Variants in PRUNE2 observed in about 807,000 individuals in gnomAD.
PRUNE2 encodes the protein protein prune homolog 2.
PRUNE2 carries 164 observed loss-of-function variants against 252.0 expected under a neutral mutation model. The ratio of observed to expected loss-of-function variants is 0.65; its 90% CI spans 0.57 to 0.74. The LOEUF (loss-of-function observed/expected upper bound fraction) is 0.74. PRUNE2 is among the 30% of genes least tolerant of loss of function. The pLI is 0.00. For missense variants in PRUNE2, 3,495 were observed against 3,711.0 expected (o/e 0.94, Z 1.51); for synonymous variants, 1,292 against 1,350.2 (o/e 0.96, Z 0.94).
intron 11 of PRUNE2, 119 bp downstream of exon 11, chr9:76,652,363 TA>T: frequency 1.4e-6 from 1 of 737,106 alleles, no homozygotes. Flanking sequence ...TAACCTGAAA[TA>T]AAAACAGAAG....
chr9:76,897,929 T>C (rs957875737), intron 1 of PRUNE2, among the ~76,000 whole-genome samples: 3 of 152,226 alleles, frequency 2.0e-5, no homozygotes, highest in African/African-American at 7.2e-5. Context: ...TGGCTCTTGT[T>C]TGCTAGTGGC....
At chr9:76,678,349 CAAAAAAAAAAAAAAAAA>C (rs58096428) in intron 9 of PRUNE2, among the ~76,000 whole-genome samples, 1 of 83,112 alleles carries the variant, frequency 1.2e-5, no homozygotes, top group African/African-American at 6.2e-5. Context: ...GAGACTCCAT[CAAAAAAAAAAAAAAAAA>C]AAAAAAAAAA....
intron 1 of PRUNE2, among the ~76,000 whole-genome samples, chr9:76,873,898 G>A (rs769178146): frequency 3.3e-5 from 5 of 152,212 alleles, no homozygotes; most frequent in Non-Finnish European, 5.9e-5. Flanking sequence ...AACAAAAGCA[G>A]TCAGCATTTT....
At chr9:76,789,562 A>G (rs1372183818) in intron 6 of PRUNE2, among the ~76,000 whole-genome samples, 4 of 152,186 alleles carry the variant, frequency 2.6e-5, no homozygotes, top group African/African-American at 7.2e-5. Context: ...AGAGACGACT[A>G]CTGGCACATG....
chr9:76,657,009 G>A (rs755244685), intron 9 of PRUNE2, among the ~76,000 whole-genome samples: 14 of 152,180 alleles, frequency 9.2e-5, no homozygotes, highest in South Asian at 2.1e-4. Flanking sequence ...ATCAAACCAC[G>A]TTATTCAGCA....
intron 1 of PRUNE2, among the ~76,000 whole-genome samples, chr9:76,903,968 A>G (rs2063331788): frequency 6.6e-6 from 1 of 152,238 alleles, no homozygotes; most frequent in Admixed American, 6.5e-5. Context: ...GAAAAAGGTT[A>G]TCTACCCTCT....
chr9:76,644,668 A>C, intron 12 of PRUNE2, 71 bp downstream of exon 12: 1 of 1,441,776 alleles, frequency 6.9e-7, no homozygotes, highest in Non-Finnish European at 9.8e-7. Context: ...AGAAGTCTAG[A>C]CTCACTTCAT....
chr9:76,747,871 C>A (rs1011801392), intron 6 of PRUNE2, among the ~76,000 whole-genome samples: 1 of 151,934 alleles, frequency 6.6e-6, no homozygotes, highest in East Asian at 1.9e-4. Context: ...TCTTGGCTCA[C>A]TGCAACCTCC....
intron 1 of PRUNE2, among the ~76,000 whole-genome samples, chr9:76,859,756 T>C (rs1474679302): frequency 6.6e-6 from 1 of 152,088 alleles, no homozygotes. Flanking sequence ...TTGCCTAGGC[T>C]GGAGTGCAAT....
intron 6 of PRUNE2, among the ~76,000 whole-genome samples, chr9:76,744,647 G>C (rs2049944217): frequency 6.6e-6 from 1 of 152,142 alleles, no homozygotes; most frequent in Non-Finnish European, 1.5e-5. Flanking sequence ...GTTCCCACAT[G>C]TTCCCCACAC....
rs545863192 is a variant in PRUNE2, at chr9:76,621,554, G to A, written c.9189-2167C>T. On this transcript the variant is annotated intron_variant, in intron 17 of 18. Coordinates refer to ENST00000376718, the MANE Select transcript of PRUNE2 (RefSeq NM_015225.3). ...AGATGGCTTACCCACTGAATCCAAA[G>A]CAAGAGCATAGACCTCCAAAACAAA... Among the ~76,000 whole-genome samples, 5 of 152,316 alleles carry A rather than the reference G, an allele frequency of 3.3e-5. No homozygotes were observed. The East Asian group carries it at 7.7e-4, about 23-fold the overall frequency.
At chr9:76,889,516 C>T (rs945839055) in intron 1 of PRUNE2, among the ~76,000 whole-genome samples, 4 of 152,026 alleles carry the variant, frequency 2.6e-5, no homozygotes, top group African/African-American at 7.2e-5. Flanking sequence ...AACGAGGTCT[C>T]GCTAAGTTGA....
intron 6 of PRUNE2, among the ~76,000 whole-genome samples, chr9:76,807,039 TG>T (rs1285209266): frequency 2.0e-5 from 3 of 147,138 alleles, no homozygotes; most frequent in Non-Finnish European, 4.6e-5. Context: ...TGTGTGTGTG[TG>T]TGTGTGTGTG....
chr9:76,896,883 T>C (rs921375523), intron 1 of PRUNE2, among the ~76,000 whole-genome samples: 3 of 152,332 alleles, frequency 2.0e-5, no homozygotes, highest in African/African-American at 7.2e-5. Context: ...TAAACTCTTT[T>C]AAAAATGCAT....
intron 12 of PRUNE2, among the ~76,000 whole-genome samples, chr9:76,643,762 T>C (rs1225834526): frequency 1.3e-5 from 2 of 152,188 alleles, no homozygotes; most frequent in Non-Finnish European, 2.9e-5. Context: ...GGTAGCAATG[T>C]ATGGGATGGA....
intron 6 of PRUNE2, among the ~76,000 whole-genome samples, chr9:76,811,646 G>A (rs1184834647): frequency 1.3e-5 from 2 of 152,146 alleles, no homozygotes; most frequent in East Asian, 3.8e-4. Context: ...TAGACTTTCT[G>A]AAGGTCTAGA....
Position 76,710,492 on chromosome 9 carries a change from T to C in PRUNE2, c.1782A>G (p.Glu594=), listed in dbSNP as rs1159792338. The change falls in exon 8 of 19, where the codon GAA becomes GAG. Residue 594 remains glutamate (E), a synonymous_variant. Coordinates refer to ENST00000376718, the MANE Select transcript of PRUNE2 (RefSeq NM_015225.3). ...TTTTTAGCCTTTCTGGGGAAGGGGA[T>C]TCATCTCCCACAAAATCTGTCAGGC... The part of the protein sequence containing the change: ...NLSLTDFVGD[E]SPSPERLKNT... 3 of 1,613,884 alleles carry C rather than the reference T, an allele frequency of 1.9e-6. No homozygotes were observed. In the African/African-American group the frequency reaches 4.0e-5, roughly 22 times the overall value.
chr9:76,856,840 G>A lies in PRUNE2; in HGVS notation c.37-2632C>T, dbSNP rs563758421. On this transcript the variant is annotated intron_variant, in intron 1 of 18. Transcript: ENST00000376718. ...GTGATCTTGGCTCACTGCAACCTCC[G>A]CCTCCCAGGTTCAAGCGATTCTCCT... 2.6e-5 allele frequency among the ~76,000 whole-genome samples: 4 copies of A among 151,504 alleles called. No homozygotes were observed. In the South Asian group the frequency reaches 6.2e-4, roughly 24 times the overall value.
At chr9:76,855,082 A>AAAAAAAAAATATATATATATATATAT (rs1490285240) in intron 1 of PRUNE2, among the ~76,000 whole-genome samples, 1 of 109,438 alleles carries the variant, frequency 9.1e-6, no homozygotes, top group African/African-American at 3.9e-5. Flanking sequence ...AAAAAAAAAA[A>AAAAAAAAAATATATATATATATATAT]ATATATATAT....
Sources: gnomAD v4.1 joint callset for allele counts (sites outside exome capture counted in the v4.1 genomes callset) on GRCh38, gnomAD v4.1.1 for gene constraint, MANE v1.5 for transcripts, NCBI Gene and HGNC (gene_info 2026-07-23, HGNC 2026-07-21) for gene names.